The following PRKCA variants were observed in gnomAD, a reference collection of about 807,000 sequenced individuals.
The protein encoded by PRKCA is protein kinase C alpha type.
Under a neutral mutation model 87.0 loss-of-function variants are expected in PRKCA, and 27 were observed. The ratio of observed to expected loss-of-function variants is 0.31; its 90% confidence interval spans 0.23 to 0.43. The LOEUF is 0.43. Among genes scored for constraint, PRKCA ranks in the 20% least tolerant of loss-of-function variants. The pLI, the probability that PRKCA is intolerant of heterozygous loss-of-function variation, is 1.00. For missense variants in PRKCA, 518 were observed against 852.3 expected (o/e 0.61, Z 4.88); for synonymous variants, 329 against 311.1 (o/e 1.06, Z -0.61).
chr17:66,497,979 C>T (rs1404688478), intron 3 of PRKCA, among the ~76,000 whole-genome samples: 1 of 152,132 alleles, frequency 6.6e-6, no homozygotes, highest in Non-Finnish European at 1.5e-5. Flanking sequence ...CACACGGGTT[C>T]CACAAAGGCT....
intron 3 of PRKCA, among the ~76,000 whole-genome samples, chr17:66,558,688 G>C (rs1406649248): frequency 1.3e-5 from 2 of 152,128 alleles, no homozygotes; most frequent in African/African-American, 2.4e-5. Context: ...TGGAGAGTAA[G>C]GGGGGGAGGG....
intron 3 of PRKCA, among the ~76,000 whole-genome samples, chr17:66,566,865 C>T (rs1420666171): frequency 6.6e-6 from 1 of 152,084 alleles, no homozygotes; most frequent in African/African-American, 2.4e-5. Context: ...GCAGTATAGG[C>T]CATGAGCCCC....
chr17:66,363,110 G>T (rs1014255333), intron 2 of PRKCA, among the ~76,000 whole-genome samples: 1 of 152,158 alleles, frequency 6.6e-6, no homozygotes. Flanking sequence ...CCCAGCAGTT[G>T]TACATCCTTT....
intron 2 of PRKCA, among the ~76,000 whole-genome samples, chr17:66,381,901 G>A (rs16959096): frequency 0.12 from 18,804 of 152,140 alleles, 1,509 homozygotes; most frequent in East Asian, 0.29. Flanking sequence ...GAAAGGATTC[G>A]AAACTCCATT....
intron 2 of PRKCA, among the ~76,000 whole-genome samples, chr17:66,366,311 G>A (rs1195002961): frequency 6.6e-6 from 1 of 152,184 alleles, no homozygotes; most frequent in African/African-American, 2.4e-5. Context: ...TAGGTAGAAA[G>A]TATGCTTTAA....
In PRKCA at chr17:66,477,186, C is replaced by T. The variant is rs186878200; in HGVS notation, c.206-19015C>T. ...GCCATTTCAAAGATCCATGCTTAGA[C>T]CAGAACATTTAGCACAAAGCGAAAC... On this transcript the variant is annotated intron_variant, in intron 2 of 16. Transcript: ENST00000413366. Among the ~76,000 whole-genome samples, 135 of 152,100 alleles carry T rather than the reference C, an allele frequency of 8.9e-4. 1 individual carries two copies. The highest frequency in any genetic ancestry group is 1.6e-3 in the Admixed American group (25 of 15,294).
intron 3 of PRKCA, among the ~76,000 whole-genome samples, chr17:66,559,254 C>T (rs1036242761): frequency 6.6e-6 from 1 of 151,534 alleles, no homozygotes; most frequent in Non-Finnish European, 1.5e-5. Flanking sequence ...GGATGGGTCA[C>T]GAGGTCAGGA....
chr17:66,352,265 A>G (rs867075840), intron 2 of PRKCA, among the ~76,000 whole-genome samples: 1 of 152,084 alleles, frequency 6.6e-6, no homozygotes, highest in Middle Eastern at 3.2e-3. Context: ...TTTATTTCTA[A>G]TTATTTTCTG....
At chr17:66,391,474 C>T (rs1910353688) in intron 2 of PRKCA, among the ~76,000 whole-genome samples, 2 of 152,128 alleles carry the variant, frequency 1.3e-5, no homozygotes, top group South Asian at 4.1e-4. Flanking sequence ...TCGGTAGGGT[C>T]AGGACAGAGG....
At chr17:66,406,919 T>C (rs1911444590) in intron 2 of PRKCA, among the ~76,000 whole-genome samples, 3 of 152,132 alleles carry the variant, frequency 2.0e-5, no homozygotes, top group Admixed American at 2.0e-4. Context: ...TCTTGATCTG[T>C]AGAGGACACT....
intron 2 of PRKCA, among the ~76,000 whole-genome samples, chr17:66,349,588 G>A (rs930702776): frequency 7.9e-5 from 12 of 152,298 alleles, no homozygotes; most frequent in African/African-American, 2.9e-4. Flanking sequence ...TGAACAGTTT[G>A]GGTATGGAGT....
intron 5 of PRKCA, among the ~76,000 whole-genome samples, chr17:66,663,447 G>A (rs977213299): frequency 5.3e-5 from 8 of 152,188 alleles, no homozygotes; most frequent in African/African-American, 1.9e-4. Flanking sequence ...TCTATTTTAA[G>A]CACAGATGAA....
intron 5 of PRKCA, among the ~76,000 whole-genome samples, chr17:66,662,112 C>A (rs933657201): frequency 3.9e-5 from 6 of 152,242 alleles, no homozygotes; most frequent in Non-Finnish European, 8.8e-5. Flanking sequence ...AAGAGAAAAG[C>A]AAGGTACCTT....
At chr17:66,363,693 CTTAT>C (rs112589987) in intron 2 of PRKCA, among the ~76,000 whole-genome samples, 6 of 151,132 alleles carry the variant, frequency 4.0e-5, no homozygotes, top group Admixed American at 3.9e-4. Context: ...TAGGGATGGG[CTTAT>C]TTATTTATTT....
chr17:66,708,072 G>C lies in PRKCA; in HGVS notation c.918+19025G>C, dbSNP rs144018109. On this transcript the variant is annotated intron_variant, in intron 8 of 16. Transcript: ENST00000413366. ...ATTTTGGTTTTAGTTTGTTTTCAGG[G>C]ATGAGGCCTCTTTGCCCATTAGGAC... Among the ~76,000 whole-genome samples the C allele has an allele frequency of 2.0e-5, 3 of 152,314 alleles. No individual in the cohort carries two copies. In the East Asian group the frequency reaches 5.8e-4, roughly 29 times the overall value.
chr17:66,558,560 C>CA (rs1232992946), intron 3 of PRKCA, among the ~76,000 whole-genome samples: 1 of 152,104 alleles, frequency 6.6e-6, no homozygotes, highest in African/African-American at 2.4e-5. Flanking sequence ...CAGAGGCAGA[C>CA]AGGGCCCAGT....
rs555144303 is a variant in PRKCA at position 66,323,189 on chromosome 17, T to C, written c.205+17062T>C. Among the ~76,000 whole-genome samples the C allele has an allele frequency of 2.0e-5, 3 of 152,332 alleles. No homozygotes were observed. In the South Asian group the frequency reaches 6.2e-4, roughly 32 times the overall value. On this transcript the variant is annotated intron_variant, in intron 2 of 16. Coordinates refer to ENST00000413366, the MANE Select transcript of PRKCA (RefSeq NM_002737.3). ...GGAGTACCTGACTTCTTTTGACCTG[T>C]GGAGTTTTCCACAATCAGAATTTTG...
chr17:66,602,561 A>G (rs540924059), intron 3 of PRKCA, among the ~76,000 whole-genome samples: 59 of 152,260 alleles, frequency 3.9e-4, no homozygotes, highest in Non-Finnish European at 6.9e-4. Flanking sequence ...TGTAGACCGG[A>G]GCTGTTCCTA....
intron 8 of PRKCA, among the ~76,000 whole-genome samples, chr17:66,694,794 T>G (rs62072405): frequency 7.9e-4 from 116 of 147,204 alleles, no homozygotes; most frequent in Non-Finnish European, 1.1e-3. Context: ...AAAAAAAAGG[T>G]ATCTTCTAGC....
Sources: allele counts gnomAD v4.1 joint callset (sites outside exome capture counted in the v4.1 genomes callset), GRCh38; gene constraint gnomAD v4.1.1; transcripts MANE v1.5; gene names NCBI Gene and HGNC (gene_info 2026-07-23, HGNC 2026-07-21).